The following GPR89B variants were observed in gnomAD, a reference collection of about 807,000 sequenced individuals.
GPR89B encodes golgi pH regulator B, also known as G protein-coupled receptor 89B.
GPR89B carries 25 observed loss-of-function variants against 52.4 expected under a neutral mutation model. That is an observed-to-expected ratio of 0.48 (90% CI 0.35 to 0.67). The LOEUF (loss-of-function observed/expected upper bound fraction) is 0.67. GPR89B is among the 30% of genes least tolerant of loss of function. GPR89B has a pLI of 0.01. For synonymous variants in GPR89B, 52 were observed against 151.2 expected (o/e 0.34, Z 4.81); for missense variants, 146 against 450.2 (o/e 0.32, Z 6.11).
At chr1:148,008,566 G>T in the GPR89B span, among the ~76,000 whole-genome samples, 1 of 152,114 alleles carries the variant, frequency 6.6e-6, no homozygotes, top group African/African-American at 2.4e-5. Flanking sequence ...AAGAACATAG[G>T]CAGAGGCAGT....
chr1:147,964,075 T>C (rs1487984336), intron 7 of GPR89B, among the ~76,000 whole-genome samples: 1 of 151,966 alleles, frequency 6.6e-6, no homozygotes, highest in Non-Finnish European at 1.5e-5. Context: ...TGAAAGATCC[T>C]TGTAGTGATG....
chr1:147,979,126 T>G (rs1658055382), intron 10 of GPR89B, among the ~76,000 whole-genome samples: 1 of 151,892 alleles, frequency 6.6e-6, no homozygotes, highest in South Asian at 2.1e-4. Context: ...GGCTCCCAGG[T>G]GGGGCTGTTG....
chr1:147,950,696 C>T (rs1655597050), intron 5 of GPR89B, among the ~76,000 whole-genome samples: 1 of 152,158 alleles, frequency 6.6e-6, no homozygotes, highest in African/African-American at 2.4e-5. Flanking sequence ...CTCGGGAGGC[C>T]GAGGCTGGCG....
At chr1:147,987,072 T>G (rs1296463181) in intron 11 of GPR89B, among the ~76,000 whole-genome samples, 2 of 152,050 alleles carry the variant, frequency 1.3e-5, no homozygotes, top group Non-Finnish European at 2.9e-5. Context: ...TCAAAAGGAC[T>G]TGGATGAAAT....
At chr1:147,991,408 A>G in intron 12 of GPR89B, among the ~76,000 whole-genome samples, 1 of 152,122 alleles carries the variant, frequency 6.6e-6, no homozygotes, top group East Asian at 1.9e-4. Context: ...GGACAATTTG[A>G]CTTCCTCTTT....
intron 1 of GPR89B, among the ~76,000 whole-genome samples, chr1:147,932,655 C>T (rs1196838779): frequency 6.6e-6 from 1 of 152,188 alleles, no homozygotes; most frequent in African/African-American, 2.4e-5. Flanking sequence ...TGATCTCCTA[C>T]TGTGAATACT....
intron 10 of GPR89B, among the ~76,000 whole-genome samples, chr1:147,981,349 A>ACACACACACACACACAC (rs1571309753): frequency 2.7e-5 from 4 of 150,718 alleles, no homozygotes; most frequent in African/African-American, 9.9e-5. Flanking sequence ...ACACACACAC[A>ACACACACACACACACAC]AAATTAATAG....
At chr1:148,013,442 G>A in the GPR89B span, among the ~76,000 whole-genome samples, 1 of 152,054 alleles carries the variant, frequency 6.6e-6, no homozygotes, top group African/African-American at 2.4e-5. Flanking sequence ...CTCCGAAGGA[G>A]CATTTCTTCT....
chr1:147,952,794 G>A (rs1343663135), intron 5 of GPR89B, among the ~76,000 whole-genome samples: 2 of 150,854 alleles, frequency 1.3e-5, no homozygotes, highest in Admixed American at 1.3e-4. Context: ...TTTATAATCC[G>A]AAACTGATGT....
chr1:147,932,162 T>A (rs1571213962), intron 1 of GPR89B, among the ~76,000 whole-genome samples: 3 of 152,194 alleles, frequency 2.0e-5, no homozygotes, highest in African/African-American at 7.2e-5. Flanking sequence ...AGTCGTGGCT[T>A]CATAAGTCAT....
chr1:147,970,232 A>C (rs1157130634), intron 10 of GPR89B, among the ~76,000 whole-genome samples: 9 of 152,024 alleles, frequency 5.9e-5, no homozygotes, highest in African/African-American at 2.2e-4. Flanking sequence ...ATGGTGGCTC[A>C]TGCCTATAAT....
Position 147,983,480 on chromosome 1 carries a change from GAAA to G in GPR89B, c.910-2714_910-2712del, listed in dbSNP as rs1289333816. On this transcript the variant is annotated intron_variant, in intron 10 of 13. Coordinates refer to ENST00000314163, the MANE Select transcript of GPR89B (RefSeq NM_016334.5). ...ACAATGAACTCAAACAAATTTACAA[GAAA>G]AAAACAAACAACCCCATCAAAAAGT... Among the ~76,000 whole-genome samples, 464 of 152,002 alleles carry G rather than the reference GAAA, an allele frequency of 3.1e-3. 1 individual carries two copies. Among genetic ancestry groups the G allele is most frequent in the African/African-American group, 0.011 (449 of 41,428 alleles).
chr1:147,937,959 A>T (rs587696709), intron 2 of GPR89B, among the ~76,000 whole-genome samples: 4 of 152,306 alleles, frequency 2.6e-5, no homozygotes, highest in Non-Finnish European at 5.9e-5. Flanking sequence ...AAATCTTCAC[A>T]ATTTATGTTC....
At position 147,985,059 on chromosome 1, in the gene GPR89B, G is replaced by C. The variant is rs1197114703; in HGVS notation, c.910-1140G>C. On this transcript the variant is annotated intron_variant, in intron 10 of 13. Coordinates refer to ENST00000314163, the MANE Select transcript of GPR89B (RefSeq NM_016334.5). The stretch of plus-strand genomic sequence containing the variant: ...TCTGACTAATTTTATCAGTTATTGA[G>C]AGAGGGGATCCAGCTATTGTGGATT... 5.2e-3 allele frequency among the ~76,000 whole-genome samples: 799 copies of C among 152,270 alleles called. 10 individuals are homozygous for C. Among genetic ancestry groups the C allele is most frequent in the African/African-American group, 0.019 (777 of 41,552 alleles).
chr1:148,017,189 G>A, the GPR89B span, among the ~76,000 whole-genome samples: 3 of 151,542 alleles, frequency 2.0e-5, no homozygotes, highest in Non-Finnish European at 4.4e-5. Flanking sequence ...CTACAGGTGC[G>A]TGCCAGGACA....
At chr1:148,007,239 C>A in the GPR89B span, among the ~76,000 whole-genome samples, 1 of 149,224 alleles carries the variant, frequency 6.7e-6, no homozygotes, top group South Asian at 2.1e-4. Flanking sequence ...CCACACCCGG[C>A]TAATTTTTTG....
At chr1:147,980,069 G>T (rs1394923471) in intron 10 of GPR89B, among the ~76,000 whole-genome samples, 4 of 150,284 alleles carry the variant, frequency 2.7e-5, no homozygotes, top group Non-Finnish European at 5.9e-5. Flanking sequence ...TTGAATGACA[G>T]AGGGAGACTC....
the GPR89B span, among the ~76,000 whole-genome samples, chr1:148,013,768 A>C: frequency 6.6e-6 from 1 of 151,970 alleles, no homozygotes; most frequent in Non-Finnish European, 1.5e-5. Context: ...CCTGGGGTTA[A>C]GAGACGTGCA....
chr1:147,932,771 A>G (rs1173712423), intron 1 of GPR89B, among the ~76,000 whole-genome samples: 1 of 152,096 alleles, frequency 6.6e-6, no homozygotes, highest in African/African-American at 2.4e-5. Context: ...AAGCCATTCT[A>G]CCTACCTTTG....
Sources: allele counts gnomAD v4.1 joint callset (sites outside exome capture counted in the v4.1 genomes callset), GRCh38; gene constraint gnomAD v4.1.1; transcripts MANE v1.5; gene names NCBI Gene and HGNC (gene_info 2026-07-23, HGNC 2026-07-21).